Variants in SCFD2 observed in about 807,000 individuals in gnomAD.
The protein encoded by SCFD2 is sec1 family domain containing 2.
A neutral mutation model predicts 58.9 loss-of-function variants in SCFD2; 54 were observed. The observed-to-expected ratio is 0.92, with a 90% confidence interval of 0.74 to 1.15. The LOEUF (loss-of-function observed/expected upper bound fraction) is 1.15, where lower values mean the gene tolerates loss of function less well. Ranked by LOEUF, SCFD2 falls within the 50% of genes most tolerant of loss-of-function variation. The pLI is 0.00. For synonymous variants in SCFD2, 321 were observed against 335.9 expected (o/e 0.96, Z 0.49); for missense variants, 805 against 836.6 (o/e 0.96, Z 0.47).
At chr4:53,290,028 T>G (rs1408959071) in intron 3 of SCFD2, among the ~76,000 whole-genome samples, 2 of 152,090 alleles carry the variant, frequency 1.3e-5, no homozygotes, top group African/African-American at 2.4e-5. Flanking sequence ...AATACAATAA[T>G]AAGAGTTCAA....
intron 5 of SCFD2, among the ~76,000 whole-genome samples, chr4:52,998,023 G>A (rs572337667): frequency 6.6e-6 from 1 of 152,064 alleles, no homozygotes; most frequent in Non-Finnish European, 1.5e-5. Flanking sequence ...TAAATGCAAG[G>A]GACTTTTGAG....
At position 52,885,815 on chromosome 4, in the gene SCFD2, C is replaced by G; in HGVS notation, c.1894G>C (p.Gly632Arg). The G allele has an allele frequency of 6.2e-7, 1 of 1,614,012 alleles. No individual in the cohort carries two copies. The highest frequency in any genetic ancestry group is 2.2e-5 in the East Asian group (1 of 44,900). ...DYPLLILFVV[G>R]GVTVSEVKMV... is the part of the protein sequence containing the mutation. ...TTCACTTCAGAGACTGTGACCCCAC[C>G]TACCACAAAGAGGATCAGGAGGGGG... Residue 632 changes from glycine to arginine, a missense_variant, in exon 8 of 9, where the codon GGT (glycine) becomes CGT (arginine). Gly to Arg is a moderately radical substitution (Grantham distance 125, BLOSUM62 -2). Around this residue, in one of 3 missense-constraint regions of SCFD2, gnomAD observed 633 missense variants for 646.8 expected, o/e 0.98. Coordinates refer to ENST00000401642, the MANE Select transcript of SCFD2 (RefSeq NM_152540.4).
chr4:53,249,542 G>C (rs905057276), intron 4 of SCFD2, among the ~76,000 whole-genome samples: 3 of 152,154 alleles, frequency 2.0e-5, no homozygotes, highest in Non-Finnish European at 2.9e-5. Context: ...AAAATGTTAA[G>C]GGCAGCCAGA....
intron 4 of SCFD2, among the ~76,000 whole-genome samples, chr4:53,240,836 G>T (rs192555121): frequency 1.2e-4 from 18 of 152,322 alleles, no homozygotes; most frequent in Non-Finnish European, 2.1e-4. Flanking sequence ...CGATTTCTTA[G>T]AAACAGTTTG....
intron 4 of SCFD2, among the ~76,000 whole-genome samples, chr4:53,241,465 C>T (rs1729890619): frequency 6.6e-6 from 1 of 152,164 alleles, no homozygotes; most frequent in South Asian, 2.1e-4. Flanking sequence ...GTTTGCAATC[C>T]AGTCTCCAGG....
At chr4:52,992,372 C>G (rs998868501) in intron 5 of SCFD2, among the ~76,000 whole-genome samples, 4 of 152,142 alleles carry the variant, frequency 2.6e-5, no homozygotes, top group Non-Finnish European at 5.9e-5. Flanking sequence ...GATCTCGGCT[C>G]GCTACAACCT....
At chr4:52,952,242 G>GCCCCATCCCCTCTCGCAC (rs1720612855) in intron 5 of SCFD2, among the ~76,000 whole-genome samples, 3 of 102,560 alleles carry the variant, frequency 2.9e-5, no homozygotes, top group Non-Finnish European at 5.8e-5. Context: ...CCCTCTCACA[G>GCCCCATCCCCTCTCGCAC]CCCCATCCCC....
At chr4:52,914,793 C>T (rs1222437634) in intron 6 of SCFD2, among the ~76,000 whole-genome samples, 2 of 152,034 alleles carry the variant, frequency 1.3e-5, no homozygotes, top group Non-Finnish European at 2.9e-5. Flanking sequence ...ATGCTTTTTA[C>T]TATTTTTTAT....
intron 4 of SCFD2, among the ~76,000 whole-genome samples, chr4:53,218,423 G>A (rs1361339473): frequency 1.3e-5 from 2 of 152,092 alleles, no homozygotes; most frequent in Non-Finnish European, 2.9e-5. Context: ...CTTTCTTCCA[G>A]TTGTTCAAAT....
chr4:53,360,684 G>C (rs903700791), intron 1 of SCFD2, among the ~76,000 whole-genome samples: 42 of 152,224 alleles, frequency 2.8e-4, no homozygotes, highest in African/African-American at 9.9e-4. Context: ...CTCCCTGCCA[G>C]ACACCTACCT....
chr4:53,109,263 C>G (rs1252250118), intron 5 of SCFD2, among the ~76,000 whole-genome samples: 1 of 152,114 alleles, frequency 6.6e-6, no homozygotes, highest in Non-Finnish European at 1.5e-5. Flanking sequence ...CAATATCATA[C>G]TGAATGGGCA....
At chr4:53,161,581 T>G (rs1726852888) in intron 4 of SCFD2, among the ~76,000 whole-genome samples, 1 of 152,080 alleles carries the variant, frequency 6.6e-6, no homozygotes, top group Non-Finnish European at 1.5e-5. Flanking sequence ...TTTTGTAACG[T>G]TTTTTCCCAT....
chr4:53,077,588 C>T (rs1160290535), intron 5 of SCFD2, among the ~76,000 whole-genome samples: 1 of 152,022 alleles, frequency 6.6e-6, no homozygotes, highest in African/African-American at 2.4e-5. Context: ...CAGGTGTGTG[C>T]CACCGCACCC....
chr4:53,259,354 C>T (rs777368418), intron 4 of SCFD2, among the ~76,000 whole-genome samples: 1 of 152,134 alleles, frequency 6.6e-6, no homozygotes, highest in Non-Finnish European at 1.5e-5. Context: ...GGTTTCAGGT[C>T]ATAGATGTAA....
At chr4:53,250,449 A>T (rs1450501536) in intron 4 of SCFD2, among the ~76,000 whole-genome samples, 1 of 152,206 alleles carries the variant, frequency 6.6e-6, no homozygotes, top group Non-Finnish European at 1.5e-5. Context: ...CACCAAGCAC[A>T]CCTAATAGAC....
At chr4:53,085,954 C>A (rs999163448) in intron 5 of SCFD2, among the ~76,000 whole-genome samples, 6 of 152,058 alleles carry the variant, frequency 3.9e-5, no homozygotes, top group African/African-American at 1.4e-4. Flanking sequence ...AATACCGTGG[C>A]AACTCTCCAG....
chr4:53,125,709 TA>T (rs1278380031), intron 5 of SCFD2, among the ~76,000 whole-genome samples: 1 of 152,210 alleles, frequency 6.6e-6, no homozygotes, highest in Non-Finnish European at 1.5e-5. Flanking sequence ...TATTAAACAT[TA>T]TATATTCTTA....
At chr4:52,950,877 C>T (rs1300635896) in intron 5 of SCFD2, 2 of 152,014 alleles carry the variant, frequency 1.3e-5, no homozygotes, top group African/African-American at 2.4e-5. Flanking sequence ...GGAACAGATA[C>T]CAGCTCCTTA....
At chr4:53,092,169 C>T (rs1724489141) in intron 5 of SCFD2, among the ~76,000 whole-genome samples, 1 of 152,080 alleles carries the variant, frequency 6.6e-6, no homozygotes, top group Admixed American at 6.6e-5. Flanking sequence ...ATAGGCCAAG[C>T]CTTGTGCTAG....
Sources: gnomAD v4.1 joint callset for allele counts (sites outside exome capture counted in the v4.1 genomes callset) on GRCh38, gnomAD v4.1.1 for gene constraint, gnomAD v4.1.1 regional missense constraint, MANE v1.5 for transcripts, NCBI Gene and HGNC (gene_info 2026-07-23, HGNC 2026-07-21) for gene names.